TG: variants seen among roughly 807,000 people sequenced by gnomAD.
The protein encoded by TG is thyroid hormones.
TG carries 270 observed loss-of-function variants against 324.7 expected under a neutral mutation model. That is an observed-to-expected ratio of 0.83 (90% CI 0.75 to 0.92). The LOEUF (loss-of-function observed/expected upper bound fraction) is 0.92, where lower values mean the gene tolerates loss of function less well. TG is among the 40% of genes least tolerant of loss of function. The pLI is 0.00. For missense variants in TG, 3,591 were observed against 3,456.4 expected (o/e 1.04, Z -0.98); for synonymous variants, 1,401 against 1,327.0 (o/e 1.06, Z -1.21).
At chr8:132,956,724 G>C (rs1826933341) in intron 27 of TG, among the ~76,000 whole-genome samples, 5 of 152,198 alleles carry the variant, frequency 3.3e-5, no homozygotes, top group Admixed American at 2.0e-4. Context: ...AGCTCCTGCA[G>C]GACCAAAGGT....
At chr8:132,953,037 C>T (rs576588035) in intron 27 of TG, among the ~76,000 whole-genome samples, 2 of 152,290 alleles carry the variant, frequency 1.3e-5, no homozygotes, top group South Asian at 4.1e-4. Context: ...TCTCCGGTAA[C>T]TGAGAGTGTC....
intron 41 of TG, chr8:133,060,385 T>C: frequency 6.6e-7 from 1 of 1,523,628 alleles, no homozygotes; most frequent in Admixed American, 2.3e-5. Flanking sequence ...AGTTCTTTTA[T>C]CAAGGGAATG....
chr8:133,120,600 G>A (rs1481286494), intron 45 of TG, among the ~76,000 whole-genome samples: 3 of 152,248 alleles, frequency 2.0e-5, no homozygotes, highest in South Asian at 2.1e-4. Flanking sequence ...TGTGTTCTTC[G>A]TCCGGTATTT....
At chr8:132,903,767 T>A (rs561422544) in intron 16 of TG, among the ~76,000 whole-genome samples, 2 of 152,144 alleles carry the variant, frequency 1.3e-5, no homozygotes, top group Non-Finnish European at 2.9e-5. Context: ...CAGGCTTGAA[T>A]GGCAGCTCCA....
chr8:132,993,967 C>A (rs1009901000), intron 35 of TG, among the ~76,000 whole-genome samples: 1 of 152,166 alleles, frequency 6.6e-6, no homozygotes, highest in Non-Finnish European at 1.5e-5. Flanking sequence ...ACCACATAAT[C>A]AAAAATGACC....
chr8:133,104,156 A>G (rs74537022), intron 43 of TG, among the ~76,000 whole-genome samples: 1,740 of 152,292 alleles, frequency 0.011, 37 homozygotes, highest in African/African-American at 0.04. Flanking sequence ...CAGGGAGGTC[A>G]GTGCTAGGAG....
chr8:133,081,998 A>G (rs1845827581), intron 41 of TG, among the ~76,000 whole-genome samples: 2 of 152,324 alleles, frequency 1.3e-5, no homozygotes, highest in East Asian at 3.9e-4. Flanking sequence ...GAAACCTTGT[A>G]TTGTATCTTC....
chr8:132,990,172 A>G lies in TG; in HGVS notation c.6262+6760A>G, dbSNP rs2130758281. Among the ~76,000 whole-genome samples the G allele has an allele frequency of 2.0e-5, 3 of 148,696 alleles. 1 individual carries two copies. The South Asian group carries it at 6.3e-4, about 31-fold the overall frequency. ...GAGCTATACAATTATATATATATAT[A>G]TATATATATAATATACATGTACGTA... is the stretch of plus-strand genomic sequence containing the variant. On this transcript the variant is annotated intron_variant, in intron 35 of 47. Transcript: ENST00000220616.
At chr8:133,034,123 A>G (rs1836874967) in intron 41 of TG, among the ~76,000 whole-genome samples, 1 of 152,182 alleles carries the variant, frequency 6.6e-6, no homozygotes, top group Admixed American at 6.5e-5. Context: ...ATGCTTCTAC[A>G]TGTATTTTAG....
At chr8:132,963,287 G>A (rs1225868500) in intron 29 of TG, among the ~76,000 whole-genome samples, 8 of 152,234 alleles carry the variant, frequency 5.3e-5, no homozygotes, top group Admixed American at 3.9e-4. Flanking sequence ...CAAAATCACT[G>A]CAAATTCATA....
intron 20 of TG, among the ~76,000 whole-genome samples, chr8:132,914,582 A>C (rs1360023661): frequency 1.3e-5 from 2 of 152,212 alleles, no homozygotes; most frequent in Non-Finnish European, 2.9e-5. Flanking sequence ...CCCTGGTGGC[A>C]GATCCTTTCC....
In TG at chr8:133,116,876, C is replaced by T. The variant is rs563355650; in HGVS notation, c.7862+160C>T. On this transcript the variant is annotated intron_variant, in intron 45 of 47. Coordinates refer to ENST00000220616, the MANE Select transcript of TG (RefSeq NM_003235.5). ...CCACTTCATCTCACTGTCTTGCAGG[C>T]GGGGAAAGTTAAAAAAAAAAATGGT... Among the ~76,000 whole-genome samples the T allele has an allele frequency of 1.0e-3, 126 of 125,986 alleles. 1 individual carries two copies. Among genetic ancestry groups the T allele is most frequent in the African/African-American group, 3.4e-3 (115 of 33,956 alleles). 82.7% of individuals were successfully genotyped at this position (125,986 alleles called of 152,430 possible).
intron 10 of TG, among the ~76,000 whole-genome samples, chr8:132,893,473 A>ATG (rs1276905832): frequency 2.6e-5 from 2 of 76,644 alleles, no homozygotes; most frequent in African/African-American, 1.0e-4. Context: ...GGTGGTGTGT[A>ATG]TGTGTGTGGT....
chr8:132,962,878 C>G (rs930752221), intron 28 of TG, 116 bp from the exon 29 acceptor site: 1 of 910,896 alleles, frequency 1.1e-6, no homozygotes, highest in Admixed American at 1.7e-5. Context: ...CAGATCTTCT[C>G]TAAGTCACCT....
Position 133,134,779 on chromosome 8 carries a change from G to C in TG, c.8292G>C (p.Lys2764Asn). Residue 2764 changes from lysine (K) to asparagine (N), a missense_variant, in exon 48 of 48, where the codon AAG becomes AAC. Lys to Asn is a moderately conservative substitution (Grantham distance 94). Transcript: ENST00000220616. ...DLLSLQEPGS[K>N]TYSK is the part of the protein sequence containing the mutation. ...TAAGCCTCCAGGAACCAGGCTCTAA[G>C]ACCTACAGCAAGTGACCAGCCCTTG... is the stretch of plus-strand genomic sequence containing the variant. 6.2e-7 allele frequency: 1 copy of C among 1,614,144 alleles called. No individual in the cohort carries two copies. The highest frequency in any genetic ancestry group is 8.5e-7 in the Non-Finnish European group (1 of 1,179,996).
intron 45 of TG, among the ~76,000 whole-genome samples, chr8:133,128,990 G>A (rs934174695): frequency 2.0e-5 from 3 of 152,136 alleles, no homozygotes; most frequent in Non-Finnish European, 4.4e-5. Flanking sequence ...ATGTTCTTCT[G>A]GGTCTTCCTC....
intron 23 of TG, among the ~76,000 whole-genome samples, chr8:132,930,457 G>T (rs1319159318): frequency 6.6e-6 from 1 of 152,138 alleles, no homozygotes; most frequent in East Asian, 1.9e-4. Context: ...AGCGGGGGTG[G>T]ATCACCTGAG....
chr8:132,965,049 G>T (rs1398609497), intron 29 of TG: 1 of 656,660 alleles, frequency 1.5e-6, no homozygotes, highest in African/African-American at 1.8e-5. Flanking sequence ...TTCTTGAGGG[G>T]CAATCTGTGA....
intron 43 of TG, among the ~76,000 whole-genome samples, chr8:133,107,974 C>A (rs7011285): frequency 0.28 from 40,049 of 142,482 alleles, 5,941 homozygotes; most frequent in African/African-American, 0.42. Flanking sequence ...TTTTTCTTTT[C>A]TTTTCTTCTT....
Sources: gnomAD v4.1 joint callset for allele counts (sites outside exome capture counted in the v4.1 genomes callset) on GRCh38, gnomAD v4.1.1 for gene constraint, MANE v1.5 for transcripts, NCBI Gene and HGNC (gene_info 2026-07-23, HGNC 2026-07-21) for gene names.